IQGAP3: variants seen among roughly 807,000 people sequenced by gnomAD.
IQGAP3 encodes ras GTPase-activating-like protein IQGAP3.
Under a neutral mutation model 208.2 loss-of-function variants are expected in IQGAP3, and 165 were observed. The ratio of observed to expected loss-of-function variants is 0.79; its 90% CI spans 0.70 to 0.90. The LOEUF (loss-of-function observed/expected upper bound fraction) is 0.90, where lower values mean the gene tolerates loss of function less well. Ranked by LOEUF, IQGAP3 falls within the 40% of genes least tolerant of loss-of-function variation. IQGAP3 has a pLI of 0.00. For missense variants in IQGAP3, 1,811 were observed against 2,043.1 expected, an observed-to-expected ratio of 0.89 and a Z score of 2.19; for synonymous variants, 703 against 803.6, an observed-to-expected ratio of 0.87 and a Z score of 2.12.
chr1:156,539,641 C>G, intron 24 of IQGAP3, 104 bp from the exon 25 acceptor site: 7 of 1,278,272 alleles, frequency 5.5e-6, no homozygotes, highest in Non-Finnish European at 5.6e-6. Flanking sequence ...ATGGAGAAAG[C>G]ACTACCACAC....
In IQGAP3 at chr1:156,563,146, A is replaced by G; in HGVS notation, c.786T>C (p.Asn262=). 6.3e-7 allele frequency: 1 copy of G among 1,599,742 alleles called. No individual in the cohort carries two copies. The highest frequency in any genetic ancestry group is 8.5e-7 in the Non-Finnish European group (1 of 1,170,006). ...GACTACTCCTTACATGGTTCCTGGC[A>G]TTGGCTGCCTTCTCCATCTTGGCCT... ...LAQAKMEKAA[N]ARNHDDRESQ... The change falls in exon 8 of 38, where the codon AAT becomes AAC. Residue 262 remains asparagine, a synonymous_variant. Transcript: ENST00000361170.
intron 20 of IQGAP3, 43 bp from the exon 21 acceptor site, chr1:156,544,266 A>G (rs763828357): frequency 6.9e-6 from 11 of 1,602,724 alleles, no homozygotes; most frequent in Admixed American, 3.3e-5. Flanking sequence ...CTTGGGGCCC[A>G]CCCTCACTCA....
chr1:156,551,601 C>G (rs1296653340), intron 15 of IQGAP3, 104 bp downstream of exon 15: 5 of 1,216,790 alleles, frequency 4.1e-6, no homozygotes, highest in Non-Finnish European at 5.7e-6. Flanking sequence ...CACCCAGAAG[C>G]CATTGTGTCC....
chr1:156,539,169 C>G, intron 25 of IQGAP3, 136 bp from the exon 26 acceptor site: 4 of 871,980 alleles, frequency 4.6e-6, no homozygotes, highest in Non-Finnish European at 5.5e-6. Context: ...ATATCTCTCT[C>G]ATCCTTTGTG....
intron 1 of IQGAP3, 108 bp downstream of exon 1, chr1:156,572,385 G>GC: frequency 8.2e-7 from 1 of 1,219,712 alleles, no homozygotes; most frequent in Non-Finnish European, 1.2e-6. Flanking sequence ...CACCGCCCTC[G>GC]CCCCTCAGGC....
rs1347302069 is a variant in IQGAP3 at position 156,530,322 on chromosome 1, G to A, written c.4192-5C>T. Reference sequence around the variant, plus strand: ...CAGCTGCTTGTGGGCTGCTTCCTGGGGACACACAGACGCTGGAGGGGTCTA... The same window carrying A: ...CAGCTGCTTGTGGGCTGCTTCCTGGAGACACACAGACGCTGGAGGGGTCTA... On this transcript the variant is annotated splice_polypyrimidine_tract_variant and splice_region_variant and intron_variant, in intron 33 of 37. Transcript: ENST00000361170. The A allele has an allele frequency of 1.9e-6, 3 of 1,605,090 alleles. No individual in the cohort carries two copies. The highest frequency in any genetic ancestry group is 2.5e-6 in the Non-Finnish European group (3 of 1,179,502).
At chr1:156,529,710 G>A (rs1674285237) in intron 34 of IQGAP3, among the ~76,000 whole-genome samples, 2 of 152,044 alleles carry the variant, frequency 1.3e-5, no homozygotes, top group African/African-American at 4.8e-5. Flanking sequence ...CCTGAGGTCA[G>A]GAGTTCGAAA....
At chr1:156,551,170 T>C (rs1232577688) in intron 15 of IQGAP3, among the ~76,000 whole-genome samples, 1 of 152,224 alleles carries the variant, frequency 6.6e-6, no homozygotes, top group African/African-American at 2.4e-5. Flanking sequence ...CACTCTTTAC[T>C]GCCACAAGCT....
rs548569492 is a variant in IQGAP3, at chr1:156,550,478, T to A, written c.1735-127A>T. The A allele has an allele frequency of 5.7e-5, 39 of 685,270 alleles. 2 individuals carry two copies. In the South Asian group the frequency reaches 6.6e-4, roughly 12 times the overall value. 42.4% of individuals were successfully genotyped at this position (685,270 alleles called of 1,614,324 possible). A position where few individuals can be genotyped will look rare whatever the true frequency, so the allele number is the denominator to read the frequency against. ...GAGCCACAGGGACAGTGATCTCCAC[T>A]CAGCTCTCTGCCCTGTGTGTGGGCA... On this transcript the variant is annotated intron_variant, in intron 15 of 37. Coordinates refer to ENST00000361170, the MANE Select transcript of IQGAP3 (RefSeq NM_178229.5).
rs143017370 is a variant in IQGAP3, at chr1:156,554,329, G to A, written c.1354C>T (p.Arg452Trp). The change falls in exon 13 of 38, where the codon CGG (arginine) becomes TGG (tryptophan). Residue 452 changes from arginine to tryptophan, a missense_variant. Coordinates refer to ENST00000361170, the MANE Select transcript of IQGAP3 (RefSeq NM_178229.5). ...EMLSAVVLIN[R>W]ALEARDASGF... ...CTGGCATCCCGGGCCTCCAGGGCCC[G>A]GTTAATCAGGACCACAGCTGAGAGC... 12 of 1,613,940 alleles carry A rather than the reference G, an allele frequency of 7.4e-6. No individual in the cohort carries two copies. The highest frequency in any genetic ancestry group is 3.3e-5 in the Admixed American group (2 of 59,954).
chr1:156,560,997 C>T lies in IQGAP3; in HGVS notation c.1066G>A (p.Glu356Lys), dbSNP rs754610532. Reference protein sequence around the residue: ...AQELGLVELLEKEEVQAGVAA... With the variant: ...AQELGLVELLKKEEVQAGVAA... ...ACACCAGCCTGGACTTCCTCCTTTT[C>T]CAGAAGCTCCACCAGGCCCAGCTCC... The change falls in exon 11 of 38, where the codon GAA becomes AAA. Residue 356 changes from glutamate (E) to lysine (K), a missense_variant. Physicochemically the swap from Glu to Lys is moderately conservative, Grantham distance 56. Transcript: ENST00000361170. 21 of 1,613,688 alleles carry T rather than the reference C, an allele frequency of 1.3e-5. No individual in the cohort carries two copies. The highest frequency in any genetic ancestry group is 3.3e-4 in the Middle Eastern group (2 of 6,074).
rs369608391 is a variant in IQGAP3 at position 156,530,261 on chromosome 1, C to T, written c.4248G>A (p.Pro1416=). The T allele has an allele frequency of 1.1e-4, 174 of 1,612,440 alleles. 2 individuals are homozygous for T. In the Middle Eastern group the frequency reaches 1.2e-3, roughly 11 times the overall value. ...GTGAGCGGTGTCGTCGCAGTGGCTCCGGTGTCTGGGCTGTACAGGCCTGGC... is the reference window on the plus strand; with the variant it reads ...GTGAGCGGTGTCGTCGCAGTGGCTCTGGTGTCTGGGCTGTACAGGCCTGGC... ...SRRQACTAQT[P]EPLRRHRSLT... The change falls in exon 34 of 38, where the codon CCG becomes CCA. Residue 1416 remains proline (P), a synonymous_variant. Coordinates refer to ENST00000361170, the MANE Select transcript of IQGAP3 (RefSeq NM_178229.5).
intron 22 of IQGAP3, 76 bp from the exon 23 acceptor site, chr1:156,540,992 G>T: frequency 8.4e-7 from 1 of 1,191,560 alleles, no homozygotes; most frequent in Non-Finnish European, 1.2e-6. Flanking sequence ...GCCCGAGTCA[G>T]CCCACCCCAG....
chr1:156,538,776 A>G (rs758395244), intron 26 of IQGAP3, 33 bp downstream of exon 26: 26 of 1,575,358 alleles, frequency 1.7e-5, no homozygotes, highest in Non-Finnish European at 2.3e-5. Flanking sequence ...ACAGCTGATC[A>G]AAGAGAGCTC....
intron 31 of IQGAP3, 105 bp from the exon 32 acceptor site, chr1:156,533,211 G>C (rs1557918965): frequency 7.1e-7 from 1 of 1,405,154 alleles, no homozygotes. Flanking sequence ...TAAATCAGCT[G>C]CTCCACATGC....
At chr1:156,549,676 C>T (rs148254826) in intron 16 of IQGAP3, among the ~76,000 whole-genome samples, 3 of 151,816 alleles carry the variant, frequency 2.0e-5, no homozygotes, top group African/African-American at 7.3e-5. Context: ...GGCAGAGGAC[C>T]CTGGGACAGT....
chr1:156,564,754 G>T, intron 4 of IQGAP3, 63 bp from the exon 5 acceptor site: 1 of 1,172,814 alleles, frequency 8.5e-7, no homozygotes, highest in Non-Finnish European at 1.3e-6. Context: ...AATGCGGAGA[G>T]GGGGTGCCGA....
chr1:156,554,164 A>G, intron 13 of IQGAP3, 71 bp downstream of exon 13: 1 of 1,501,864 alleles, frequency 6.7e-7, no homozygotes, highest in East Asian at 2.3e-5. Context: ...CAAGTCTCCA[A>G]CAGAAGAGTG....
rs751203907 is a variant in IQGAP3, at chr1:156,544,002, G to A, written c.2509C>T (p.Gln837Ter). 1.2e-6 allele frequency: 2 copies of A among 1,614,092 alleles called. No individual in the cohort carries two copies. The highest frequency in any genetic ancestry group is 3.3e-4 in the Middle Eastern group (2 of 6,062). ...IQAFFRARKA[Q>*]DDYRILVHAP... is the part of the protein sequence containing the mutation. ...TCACCTAATATCCTGTAGTCATCTT[G>A]GGCTTTCCTGGCTCGGAAAAATGCC... The change falls in exon 22 of 38, where the codon CAA becomes TAA. Residue 837 changes from glutamine (Q) to a stop codon, truncating the protein, a stop_gained. Coordinates refer to ENST00000361170, the MANE Select transcript of IQGAP3 (RefSeq NM_178229.5). LOFTEE classifies it high-confidence loss of function.
Sources: gnomAD v4.1 joint callset for allele counts (sites outside exome capture counted in the v4.1 genomes callset) on GRCh38, gnomAD v4.1.1 for gene constraint, MANE v1.5 for transcripts, NCBI Gene and HGNC (gene_info 2026-07-23, HGNC 2026-07-21) for gene names.